Variants in SETBP1 observed in about 807,000 individuals in gnomAD.
SETBP1 encodes SET binding protein 1, also known as SET-binding protein.
A neutral mutation model predicts 101.0 loss-of-function variants in SETBP1; 9 were observed. That is an observed-to-expected ratio of 0.09 (90% confidence interval 0.05 to 0.16). The LOEUF is 0.16. Ranked by LOEUF, SETBP1 falls within the 10% of genes least tolerant of loss-of-function variation. The pLI, the probability that SETBP1 is intolerant of heterozygous loss-of-function variation, is 1.00. For synonymous variants in SETBP1, 818 were observed against 788.5 expected, an observed-to-expected ratio of 1.04 and a Z score of -0.63; for missense variants, 1,858 against 2,033.8, an observed-to-expected ratio of 0.91 and a Z score of 1.66.
At position 44,953,468 on chromosome 18, in the gene SETBP1, C is replaced by T. The variant is rs1445969589; in HGVS notation, c.4000+128C>T. The T allele has an allele frequency of 9.9e-5, 79 of 796,704 alleles. No homozygotes were observed. In the East Asian group the frequency reaches 1.9e-3, roughly 20 times the overall value. 49.4% of individuals were successfully genotyped at this position (796,704 alleles called of 1,614,324 possible). ...AGGTGGGAATCAAATTAAAATGGGT[C>T]TCCTTGCACATTTGAGTTTGCTGCA... is the stretch of plus-strand genomic sequence containing the variant. On this transcript the variant is annotated intron_variant, in intron 4 of 5. Coordinates refer to ENST00000649279, the MANE Select transcript of SETBP1 (RefSeq NM_015559.3).
chr18:44,842,864 G>C (rs1330796317), intron 2 of SETBP1, among the ~76,000 whole-genome samples: 1 of 152,234 alleles, frequency 6.6e-6, no homozygotes, highest in Non-Finnish European at 1.5e-5. Context: ...GATCCCTCAT[G>C]TGGATTTCCA....
chr18:44,778,407 A>G (rs954070020), intron 2 of SETBP1, among the ~76,000 whole-genome samples: 1 of 152,194 alleles, frequency 6.6e-6, no homozygotes, highest in African/African-American at 2.4e-5. Flanking sequence ...AAGTTCATCA[A>G]AAGCTTTATC....
At chr18:44,817,176 T>C (rs1246828095) in intron 2 of SETBP1, among the ~76,000 whole-genome samples, 7 of 152,138 alleles carry the variant, frequency 4.6e-5, no homozygotes, top group Non-Finnish European at 1.0e-4. Flanking sequence ...AATAAGAGAC[T>C]TTACAAAAAG....
intron 2 of SETBP1, among the ~76,000 whole-genome samples, chr18:44,723,832 G>A (rs904138657): frequency 4.6e-5 from 7 of 152,078 alleles, no homozygotes; most frequent in Non-Finnish European, 7.4e-5. Context: ...CTTCACTGCC[G>A]GGCATTTTGA....
chr18:44,991,456 A>G (rs1010671381), intron 4 of SETBP1, among the ~76,000 whole-genome samples: 3 of 152,098 alleles, frequency 2.0e-5, no homozygotes, highest in Non-Finnish European at 4.4e-5. Context: ...ATAGATAAAT[A>G]GGAATAGAAA....
intron 1 of SETBP1, among the ~76,000 whole-genome samples, chr18:44,700,238 G>T (rs2069093061): frequency 6.6e-6 from 1 of 152,140 alleles, no homozygotes; most frequent in Admixed American, 6.5e-5. Flanking sequence ...ACAGTTTGGA[G>T]AGAGCCTAAC....
At chr18:45,061,521 C>G (rs534212655) in intron 5 of SETBP1, among the ~76,000 whole-genome samples, 4 of 152,182 alleles carry the variant, frequency 2.6e-5, no homozygotes, top group African/African-American at 9.6e-5. Flanking sequence ...ATTCATTGCT[C>G]GGTCAGTCTC....
At chr18:44,770,715 G>A (rs899079976) in intron 2 of SETBP1, among the ~76,000 whole-genome samples, 4 of 152,214 alleles carry the variant, frequency 2.6e-5, no homozygotes, top group African/African-American at 9.6e-5. Flanking sequence ...CTATACAGAT[G>A]TCTGGGAGCT....
At chr18:44,863,659 A>T (rs2069065822) in intron 2 of SETBP1, among the ~76,000 whole-genome samples, 1 of 152,186 alleles carries the variant, frequency 6.6e-6, no homozygotes, top group African/African-American at 2.4e-5. Flanking sequence ...AGGAGAGGTG[A>T]AGTAGGAGGC....
At chr18:44,879,154 A>AGTTGTT (rs2069475288) in intron 3 of SETBP1, among the ~76,000 whole-genome samples, 1 of 152,254 alleles carries the variant, frequency 6.6e-6, no homozygotes, top group Non-Finnish European at 1.5e-5. Flanking sequence ...AGCTATAAAT[A>AGTTGTT]GTAAAAATTG....
intron 3 of SETBP1, among the ~76,000 whole-genome samples, chr18:44,905,663 C>G (rs2070158957): frequency 6.6e-6 from 1 of 152,196 alleles, no homozygotes; most frequent in African/African-American, 2.4e-5. Flanking sequence ...CCACAACATT[C>G]ACAGCATTCA....
rs929753972 is a variant in SETBP1, at chr18:44,950,864, G to A, written c.1524G>A (p.Thr508=). 8.1e-6 allele frequency: 13 copies of A among 1,614,002 alleles called. No individual in the cohort carries two copies. The highest frequency in any genetic ancestry group is 8.5e-7 in the Non-Finnish European group (1 of 1,180,030). Residue 508 remains threonine, a synonymous_variant, in exon 4 of 6, where the codon ACG becomes ACA. Coordinates refer to ENST00000649279, the MANE Select transcript of SETBP1 (RefSeq NM_015559.3). The part of the protein sequence containing the change: ...RKPPMVMTPP[T]CTDHSPSRKL... ...CACCCATGGTCATGACACCTCCAAC[G>A]TGCACAGATCACTCTCCATCCAGAA...
intron 4 of SETBP1, among the ~76,000 whole-genome samples, chr18:45,024,420 G>A (rs1424401226): frequency 6.6e-6 from 1 of 152,078 alleles, no homozygotes; most frequent in East Asian, 1.9e-4. Flanking sequence ...CTCCATAGCA[G>A]TCTGTGAATC....
intron 2 of SETBP1, among the ~76,000 whole-genome samples, chr18:44,783,331 G>T (rs985890521): frequency 6.6e-6 from 1 of 152,124 alleles, no homozygotes; most frequent in Non-Finnish European, 1.5e-5. Flanking sequence ...TCTTTCTCAT[G>T]GATCTTTATC....
intron 4 of SETBP1, among the ~76,000 whole-genome samples, chr18:45,013,214 G>T (rs990472283): frequency 2.0e-5 from 3 of 152,160 alleles, no homozygotes; most frequent in South Asian, 2.1e-4. Flanking sequence ...AACATGGGGG[G>T]ACCCAGAGCT....
At chr18:45,054,739 C>T (rs1055260830) in intron 5 of SETBP1, among the ~76,000 whole-genome samples, 3 of 152,182 alleles carry the variant, frequency 2.0e-5, no homozygotes, top group Admixed American at 6.5e-5. Flanking sequence ...TTTTACTCAG[C>T]TTAGATTATC....
At chr18:45,033,530 G>T (rs1474022505) in intron 4 of SETBP1, among the ~76,000 whole-genome samples, 1 of 152,214 alleles carries the variant, frequency 6.6e-6, no homozygotes, top group Non-Finnish European at 1.5e-5. Context: ...GTCTTCTGCA[G>T]TGTAAAGGGA....
chr18:44,746,172 A>G (rs1367060394), intron 2 of SETBP1, among the ~76,000 whole-genome samples: 2 of 152,234 alleles, frequency 1.3e-5, no homozygotes, highest in African/African-American at 4.8e-5. Flanking sequence ...ATGGGGCGTC[A>G]TAGGAGAGAT....
At chr18:44,936,125 T>C (rs1369401136) in intron 3 of SETBP1, among the ~76,000 whole-genome samples, 1 of 152,194 alleles carries the variant, frequency 6.6e-6, no homozygotes, top group African/African-American at 2.4e-5. Context: ...GCAGAATGTA[T>C]CTGAATCAGG....
Sources: allele counts gnomAD v4.1 joint callset (sites outside exome capture counted in the v4.1 genomes callset), GRCh38; gene constraint gnomAD v4.1.1; transcripts MANE v1.5; gene names NCBI Gene and HGNC (gene_info 2026-07-23, HGNC 2026-07-21).